CSMD1: variants seen among roughly 807,000 people sequenced by gnomAD.
The protein encoded by CSMD1 is CUB and Sushi multiple domains 1, also known as CUB and sushi domain-containing protein 1.
CSMD1 carries 213 observed loss-of-function variants against 417.5 expected under a neutral mutation model. The ratio of observed to expected loss-of-function variants is 0.51; its 90% CI spans 0.46 to 0.57. CSMD1 has a LOEUF of 0.57. Ranked by LOEUF, CSMD1 falls within the 20% of genes least tolerant of loss-of-function variation. The pLI is 0.00. For synonymous variants in CSMD1, 2,862 were observed against 1,736.8 expected (o/e 1.65, Z -16.11); for missense variants, 6,923 against 4,529.7 (o/e 1.53, Z -15.17).
At chr8:3,823,578 G>A (rs1291748319) in intron 5 of CSMD1, among the ~76,000 whole-genome samples, 5 of 151,930 alleles carry the variant, frequency 3.3e-5, no homozygotes, top group Admixed American at 3.3e-4. Context: ...TAATGCAATG[G>A]ATACATGTTT....
chr8:3,864,997 C>T lies in CSMD1; in HGVS notation c.819-110955G>A, dbSNP rs139402535. 2.6e-5 allele frequency among the ~76,000 whole-genome samples: 4 copies of T among 152,258 alleles called. No individual in the cohort carries two copies. The South Asian group carries it at 8.3e-4, about 32-fold the overall frequency. Reference sequence around the variant, plus strand: ...GCAGCATGACATCATCTGCTTTAGTCTGGTTGAGGTGCTAGCTAATCTCCT... The same window carrying T: ...GCAGCATGACATCATCTGCTTTAGTTTGGTTGAGGTGCTAGCTAATCTCCT... On this transcript the variant is annotated intron_variant, in intron 5 of 69. Transcript: ENST00000635120.
At chr8:3,063,250 T>C (rs991516) in intron 49 of CSMD1, among the ~76,000 whole-genome samples, 6,113 of 152,260 alleles carry the variant, frequency 0.04, 406 homozygotes, top group African/African-American at 0.14. Flanking sequence ...CAGAAGCACA[T>C]GTTGTCTCTG....
rs1278648918 is a variant in CSMD1 at position 4,368,341 on chromosome 8, T to C, written c.415+51612A>G. ...TTTAGATCACAGGTATACAGCCTAC[T>C]TTATTGTGGTGAATTAGCTTTTTCA... On this transcript the variant is annotated intron_variant, in intron 3 of 69. Coordinates refer to ENST00000635120, the MANE Select transcript of CSMD1 (RefSeq NM_033225.6). Among the ~76,000 whole-genome samples the C allele has an allele frequency of 3.9e-5, 6 of 152,306 alleles. No homozygotes were observed. The South Asian group carries it at 1.2e-3, about 32-fold the overall frequency.
intron 3 of CSMD1, among the ~76,000 whole-genome samples, chr8:4,207,488 C>G (rs937471532): frequency 2.6e-5 from 4 of 152,054 alleles, no homozygotes; most frequent in South Asian, 2.1e-4. Context: ...ATTAAAATGT[C>G]TTATTCATTT....
At chr8:4,423,724 A>G (rs1338820293) in intron 2 of CSMD1, among the ~76,000 whole-genome samples, 1 of 142,030 alleles carries the variant, frequency 7.0e-6, no homozygotes, top group Non-Finnish European at 1.6e-5. Flanking sequence ...TTATGTGGGA[A>G]GGCAAACAAA....
At chr8:3,428,526 A>G (rs1329640246) in intron 12 of CSMD1, among the ~76,000 whole-genome samples, 1 of 152,218 alleles carries the variant, frequency 6.6e-6, no homozygotes, top group African/African-American at 2.4e-5. Context: ...AAAGACTTTC[A>G]TAGCAACCCT....
chr8:3,737,041 T>C (rs1796556637), intron 6 of CSMD1, among the ~76,000 whole-genome samples: 1 of 152,218 alleles, frequency 6.6e-6, no homozygotes, highest in East Asian at 1.9e-4. Context: ...TACGTCCAAT[T>C]ATAAAGTGCT....
intron 3 of CSMD1, among the ~76,000 whole-genome samples, chr8:4,321,278 G>T (rs193233622): frequency 6.6e-6 from 1 of 152,074 alleles, no homozygotes; most frequent in Admixed American, 6.6e-5. Flanking sequence ...CGGTGTGTTG[G>T]TATGTTCAGA....
chr8:4,153,839 A>C (rs1367693932), intron 3 of CSMD1, among the ~76,000 whole-genome samples: 2 of 152,202 alleles, frequency 1.3e-5, no homozygotes, highest in African/African-American at 4.8e-5. Flanking sequence ...GTCACATGCA[A>C]GTGGTGACCG....
chr8:4,876,290 T>G (rs1803039138), intron 1 of CSMD1, among the ~76,000 whole-genome samples: 1 of 152,064 alleles, frequency 6.6e-6, no homozygotes, highest in Non-Finnish European at 1.5e-5. Flanking sequence ...CAATCATTGC[T>G]TCTTTAAAGG....
At chr8:3,940,789 ATAT>A (rs998969856) in intron 5 of CSMD1, among the ~76,000 whole-genome samples, 12 of 151,884 alleles carry the variant, frequency 7.9e-5, no homozygotes, top group African/African-American at 2.7e-4. Flanking sequence ...TTTTATTAAA[ATAT>A]TATTAAGACT....
intron 23 of CSMD1, 138 bp from the exon 24 acceptor site, chr8:3,308,641 A>C (rs1805080320): frequency 3.1e-6 from 2 of 653,528 alleles, no homozygotes; most frequent in Admixed American, 5.5e-5. Context: ...TACAAAGGGG[A>C]AAAGAAAGAT....
At chr8:4,317,283 A>T (rs1314123671) in intron 3 of CSMD1, among the ~76,000 whole-genome samples, 1 of 152,156 alleles carries the variant, frequency 6.6e-6, no homozygotes, top group Non-Finnish European at 1.5e-5. Flanking sequence ...AGAAAGCTGA[A>T]AGCACTGGTG....
chr8:3,875,593 T>C (rs572120223), intron 5 of CSMD1, among the ~76,000 whole-genome samples: 13 of 152,076 alleles, frequency 8.5e-5, no homozygotes, highest in African/African-American at 2.7e-4. Context: ...AGGAGTCCCA[T>C]TGTGAGAGGA....
chr8:4,404,919 A>G (rs2128930972), intron 3 of CSMD1, among the ~76,000 whole-genome samples: 1 of 152,334 alleles, frequency 6.6e-6, no homozygotes, highest in African/African-American at 2.4e-5. Context: ...AAAGCCTATG[A>G]TGTCAGTCAT....
At chr8:4,480,213 G>T (rs1212237167) in intron 2 of CSMD1, among the ~76,000 whole-genome samples, 2 of 148,304 alleles carry the variant, frequency 1.3e-5, no homozygotes, top group African/African-American at 5.1e-5. Flanking sequence ...AAAAAAAACC[G>T]AGAAGGAAAT....
intron 1 of CSMD1, among the ~76,000 whole-genome samples, chr8:4,956,308 G>A (rs1226156235): frequency 6.6e-6 from 1 of 151,206 alleles, no homozygotes; most frequent in Non-Finnish European, 1.5e-5. Context: ...ACATTTAATA[G>A]CATATGAATA....
chr8:3,609,319 T>G (rs140734467), intron 8 of CSMD1, among the ~76,000 whole-genome samples: 65 of 152,328 alleles, frequency 4.3e-4, no homozygotes, highest in Non-Finnish European at 8.5e-4. Context: ...TATTGGTATT[T>G]GAATACTTCC....
At chr8:3,196,926 G>C (rs1213828806) in intron 33 of CSMD1, among the ~76,000 whole-genome samples, 1 of 152,164 alleles carries the variant, frequency 6.6e-6, no homozygotes, top group Non-Finnish European at 1.5e-5. Context: ...ATGCTGAAGG[G>C]TTATCCCTTT....
Sources: gnomAD v4.1 joint callset for allele counts (sites outside exome capture counted in the v4.1 genomes callset) on GRCh38, gnomAD v4.1.1 for gene constraint, MANE v1.5 for transcripts, NCBI Gene and HGNC (gene_info 2026-07-23, HGNC 2026-07-21) for gene names.